Variants in RBFOX1 observed in about 807,000 individuals in gnomAD.
RBFOX1 encodes RNA binding fox-1 homolog 1.
In RBFOX1, 8 loss-of-function variants were observed where a neutral mutation model predicts 57.7. That is an observed-to-expected ratio of 0.14 (90% CI 0.08 to 0.25). RBFOX1 has a LOEUF of 0.25. Among genes scored for constraint, RBFOX1 ranks in the 10% least tolerant of loss-of-function variants. RBFOX1 has a pLI of 1.00. For missense variants in RBFOX1, 611 were observed against 548.5 expected (o/e 1.11, Z -1.14); for synonymous variants, 326 against 222.4 (o/e 1.47, Z -4.15).
chr16:6,272,974 A>C (rs2075366409), intron 1 of RBFOX1, among the ~76,000 whole-genome samples: 1 of 152,166 alleles, frequency 6.6e-6, no homozygotes, highest in African/African-American at 2.4e-5. Context: ...GTAAAGAAAA[A>C]AGAGGCCCGT....
intron 1 of RBFOX1, among the ~76,000 whole-genome samples, chr16:6,177,534 G>A (rs2097021999): frequency 6.6e-6 from 1 of 152,036 alleles, no homozygotes; most frequent in Non-Finnish European, 1.5e-5. Context: ...TTCAGTGACT[G>A]CCTTTATAGA....
chr16:6,983,443 G>C (rs2089477152), intron 3 of RBFOX1, among the ~76,000 whole-genome samples: 2 of 148,802 alleles, frequency 1.3e-5, no homozygotes, highest in Admixed American at 6.7e-5. Flanking sequence ...CCGCCGACTT[G>C]CTGGCTTTTT....
intron 3 of RBFOX1, among the ~76,000 whole-genome samples, chr16:5,682,179 G>T (rs920099719): frequency 6.6e-6 from 1 of 152,156 alleles, no homozygotes; most frequent in African/African-American, 2.4e-5. Context: ...GATTGCTCCT[G>T]CTGGCTTTGT....
intron 3 of RBFOX1, among the ~76,000 whole-genome samples, chr16:6,745,732 C>T (rs557941253): frequency 1.3e-5 from 2 of 152,098 alleles, no homozygotes; most frequent in Non-Finnish European, 2.9e-5. Flanking sequence ...AGATTGGGAA[C>T]AAAGCAAGGA....
chr16:6,555,695 G>T (rs1356114103), intron 2 of RBFOX1, among the ~76,000 whole-genome samples: 1 of 148,092 alleles, frequency 6.8e-6, no homozygotes, highest in African/African-American at 2.6e-5. Context: ...GCTAGACTCT[G>T]TCTGAAAAAA....
chr16:5,971,664 C>T (rs922134341), intron 4 of RBFOX1, among the ~76,000 whole-genome samples: 1 of 152,124 alleles, frequency 6.6e-6, no homozygotes, highest in Non-Finnish European at 1.5e-5. Context: ...ATGATGCCTT[C>T]CCTAGGTCAG....
chr16:6,929,770 A>C (rs1031260610), intron 3 of RBFOX1, among the ~76,000 whole-genome samples: 16 of 152,180 alleles, frequency 1.1e-4, no homozygotes, highest in African/African-American at 3.9e-4. Context: ...CGTTTCAGGG[A>C]ATATCCTGTA....
intron 3 of RBFOX1, among the ~76,000 whole-genome samples, chr16:6,900,339 C>T (rs1421106967): frequency 1.3e-5 from 2 of 152,226 alleles, no homozygotes; most frequent in South Asian, 2.1e-4. Flanking sequence ...CCTGGAGCTA[C>T]CACAAAATCC....
intron 4 of RBFOX1, among the ~76,000 whole-genome samples, chr16:7,162,522 G>A (rs905110649): frequency 6.7e-6 from 1 of 149,626 alleles, no homozygotes; most frequent in Non-Finnish European, 1.5e-5. Context: ...CTGAGGTCAG[G>A]AGTTTGAGAC....
At chr16:7,062,684 G>A (rs2054757147) in intron 4 of RBFOX1, among the ~76,000 whole-genome samples, 1 of 152,100 alleles carries the variant, frequency 6.6e-6, no homozygotes, top group African/African-American at 2.4e-5. Context: ...TGAATATTGA[G>A]TAGGGTAATG....
intron 3 of RBFOX1, among the ~76,000 whole-genome samples, chr16:5,757,573 T>C (rs771420432): frequency 2.0e-5 from 3 of 152,068 alleles, no homozygotes; most frequent in East Asian, 1.9e-4. Flanking sequence ...AACACATCAT[T>C]TCAACTGATA....
chr16:5,509,968 C>G (rs141737297), intron 2 of RBFOX1, among the ~76,000 whole-genome samples: 130 of 152,288 alleles, frequency 8.5e-4, no homozygotes, highest in Non-Finnish European at 1.6e-3. Flanking sequence ...TGTCAGGGCA[C>G]AAGTTCTGGG....
chr16:5,497,249 G>A (rs1386817143), intron 2 of RBFOX1, among the ~76,000 whole-genome samples: 1 of 150,968 alleles, frequency 6.6e-6, no homozygotes, highest in Admixed American at 6.6e-5. Flanking sequence ...GAAATCCTTT[G>A]GGATATTTTT....
chr16:7,277,985 A>C (rs1354693661), intron 4 of RBFOX1, among the ~76,000 whole-genome samples: 2 of 151,540 alleles, frequency 1.3e-5, no homozygotes, highest in Non-Finnish European at 2.9e-5. Context: ...TTAATATTTT[A>C]TTGAAAAGAG....
rs146458378 is a variant in RBFOX1, at chr16:6,709,819, G to C, written c.-16+55169G>C. Among the ~76,000 whole-genome samples the C allele has an allele frequency of 2.0e-4, 31 of 152,256 alleles. 1 individual carries two copies. Among genetic ancestry groups the C allele is most frequent in the African/African-American group, 7.2e-4 (30 of 41,558 alleles). ...GTATCTTGGAGGCAGAGAGCTTTCA[G>C]GCCAGATCAGAACGCTGGCTGGTAC... On this transcript the variant is annotated intron_variant, in intron 3 of 15. Coordinates refer to ENST00000550418, the MANE Select transcript of RBFOX1 (RefSeq NM_018723.4).
intron 2 of RBFOX1, among the ~76,000 whole-genome samples, chr16:6,487,033 A>G (rs1233212138): frequency 6.6e-6 from 1 of 152,100 alleles, no homozygotes; most frequent in African/African-American, 2.4e-5. Context: ...ACCATCGCAT[A>G]TTAAATTATT....
intron 3 of RBFOX1, chr16:6,723,780 C>G (rs567144805): frequency 6.6e-6 from 1 of 152,144 alleles, no homozygotes; most frequent in East Asian, 1.9e-4. Flanking sequence ...TGAGGCTCCC[C>G]TAGACTTCTG....
chr16:7,006,531 C>G (rs2093310779), intron 3 of RBFOX1, among the ~76,000 whole-genome samples: 1 of 152,022 alleles, frequency 6.6e-6, no homozygotes, highest in African/African-American at 2.4e-5. Flanking sequence ...CTCACTGTAG[C>G]CTCGAACTCC....
chr16:5,576,460 A>T (rs559949956), intron 2 of RBFOX1, among the ~76,000 whole-genome samples: 61 of 152,342 alleles, frequency 4.0e-4, no homozygotes, highest in African/African-American at 1.4e-3. Context: ...CACCAACCTA[A>T]GAGTGGAAGT....
Sources: allele counts gnomAD v4.1 joint callset (sites outside exome capture counted in the v4.1 genomes callset), GRCh38; gene constraint gnomAD v4.1.1; transcripts MANE v1.5; gene names NCBI Gene and HGNC (gene_info 2026-07-23, HGNC 2026-07-21).